Variants in CRTC3 observed in about 807,000 individuals in gnomAD.
CRTC3 encodes CREB regulated transcription coactivator 3, also known as CREB-regulated transcription coactivator 3.
CRTC3 carries 26 observed loss-of-function variants against 74.5 expected under a neutral mutation model. That is an observed-to-expected ratio of 0.35 (90% CI 0.26 to 0.48). The LOEUF is 0.48. CRTC3 is among the 20% of genes least tolerant of loss of function. CRTC3 has a pLI of 0.99. For missense variants in CRTC3, 760 were observed against 787.3 expected, an observed-to-expected ratio of 0.97 and a Z score of 0.41; for synonymous variants, 377 against 325.8, an observed-to-expected ratio of 1.16 and a Z score of -1.69.
intron 2 of CRTC3, among the ~76,000 whole-genome samples, chr15:90,571,989 C>T (rs1689501825): frequency 6.6e-6 from 1 of 151,906 alleles, no homozygotes; most frequent in Admixed American, 6.6e-5. Flanking sequence ...TGGTGAAATC[C>T]CATCTCTACT....
Position 90,638,461 on chromosome 15 carries a change from C to A in CRTC3, c.1282C>A (p.Arg428=). ...YPTSQMVSSD[R]SQLSFLPTEA... ...TGTTTTGCAGATGGTGTCCTCAGAC[C>A]GAAGCCAACTTTCCTTTCTGCCCAC... Residue 428 remains arginine (R), a synonymous_variant, in exon 12 of 15, where the codon CGA becomes AGA. Transcript: ENST00000268184. The A allele has an allele frequency of 2.5e-6, 4 of 1,614,012 alleles. No individual in the cohort carries two copies. The highest frequency in any genetic ancestry group is 2.5e-6 in the Non-Finnish European group (3 of 1,179,980).
chr15:90,602,450 C>A, intron 4 of CRTC3, 65 bp downstream of exon 4: 1 of 902,620 alleles, frequency 1.1e-6, no homozygotes, highest in Admixed American at 2.0e-5. Flanking sequence ...TTCACTTTAT[C>A]CACTTTGAAT....
At chr15:90,591,562 AT>A (rs138627707) in intron 2 of CRTC3, among the ~76,000 whole-genome samples, 1 of 152,336 alleles carries the variant, frequency 6.6e-6, no homozygotes, top group African/African-American at 2.4e-5. Context: ...CAGGCATGTA[AT>A]CCCAACACTT....
chr15:90,570,175 AG>A (rs1844746476), intron 2 of CRTC3, among the ~76,000 whole-genome samples: 1 of 152,184 alleles, frequency 6.6e-6, no homozygotes, highest in African/African-American at 2.4e-5. Context: ...CATTGCCAAA[AG>A]CTTCTGACAC....
At chr15:90,533,141 C>T (rs1220310532) in intron 1 of CRTC3, among the ~76,000 whole-genome samples, 2 of 139,182 alleles carry the variant, frequency 1.4e-5, no homozygotes, top group Non-Finnish European at 3.0e-5. Context: ...CGGTGGGTCA[C>T]GCCTGTAATC....
intron 2 of CRTC3, among the ~76,000 whole-genome samples, chr15:90,571,100 T>C (rs1405066418): frequency 2.0e-5 from 3 of 152,248 alleles, no homozygotes; most frequent in African/African-American, 7.2e-5. Context: ...CAAATATTTA[T>C]TGGACACTGC....
At chr15:90,580,392 CT>C (rs1449519959) in intron 2 of CRTC3, among the ~76,000 whole-genome samples, 2 of 151,744 alleles carry the variant, frequency 1.3e-5, no homozygotes, top group Non-Finnish European at 2.9e-5. Context: ...AATAGGCTTC[CT>C]TAGTGTCAGT....
intron 1 of CRTC3, among the ~76,000 whole-genome samples, chr15:90,533,276 C>T (rs1596064358): frequency 2.0e-5 from 3 of 150,796 alleles, no homozygotes; most frequent in Non-Finnish European, 2.9e-5. Flanking sequence ...TGGTGGCGGG[C>T]GCCTGTAGTC....
At chr15:90,553,817 A>T (rs181943321) in intron 2 of CRTC3, among the ~76,000 whole-genome samples, 13 of 152,354 alleles carry the variant, frequency 8.5e-5, no homozygotes, top group African/African-American at 3.1e-4. Context: ...ATGCCAGTAA[A>T]GTTGGAAGAG....
In CRTC3 at chr15:90,629,538, C is replaced by T; in HGVS notation, c.1266+6C>T. 1 of 1,613,258 alleles carries T rather than the reference C, an allele frequency of 6.2e-7. No homozygotes were observed. The highest frequency in any genetic ancestry group is 8.5e-7 in the Non-Finnish European group (1 of 1,179,258). On this transcript the variant is annotated splice_donor_region_variant and intron_variant, in intron 11 of 14. Coordinates refer to ENST00000268184, the MANE Select transcript of CRTC3 (RefSeq NM_022769.5). ...CCCCATATCCTACCTCCCAGGTAAA[C>T]ACACACAGACAGACCAACCACTACA...
chr15:90,586,895 T>A (rs189243102), intron 2 of CRTC3, among the ~76,000 whole-genome samples: 370 of 152,376 alleles, frequency 2.4e-3, no homozygotes, highest in Non-Finnish European at 4.6e-3. Flanking sequence ...AATGATAATC[T>A]TCCTAGTTGA....
At chr15:90,612,392 C>T (rs779442960) in intron 6 of CRTC3, among the ~76,000 whole-genome samples, 59 of 151,896 alleles carry the variant, frequency 3.9e-4, no homozygotes, top group Admixed American at 8.5e-4. Context: ...CAATGAATGG[C>T]GCCTCAGGTG....
At chr15:90,580,558 G>GT (rs1967515381) in intron 2 of CRTC3, among the ~76,000 whole-genome samples, 1 of 151,864 alleles carries the variant, frequency 6.6e-6, no homozygotes, top group African/African-American at 2.4e-5. Flanking sequence ...TTCCAGAGTA[G>GT]TTGGGATTAC....
intron 5 of CRTC3, among the ~76,000 whole-genome samples, chr15:90,606,513 G>A (rs1483287350): frequency 2.0e-5 from 3 of 151,658 alleles, no homozygotes; most frequent in African/African-American, 7.3e-5. Flanking sequence ...AGTGAGCCGA[G>A]ATCACACCAC....
intron 5 of CRTC3, among the ~76,000 whole-genome samples, chr15:90,605,406 G>A (rs1427563198): frequency 6.6e-6 from 1 of 152,152 alleles, no homozygotes; most frequent in Non-Finnish European, 1.5e-5. Context: ...CCCGTGACTG[G>A]CTAGTATAGT....
intron 10 of CRTC3, among the ~76,000 whole-genome samples, chr15:90,628,736 G>C (rs74347410): frequency 6.6e-6 from 1 of 152,102 alleles, no homozygotes; most frequent in Non-Finnish European, 1.5e-5. Context: ...GTCCCTTCCT[G>C]TGACTCCCTA....
At chr15:90,632,076 A>AT (rs5814442) in intron 11 of CRTC3, among the ~76,000 whole-genome samples, 104,710 of 145,206 alleles carry the variant, frequency 0.72, 37,668 homozygotes, top group South Asian at 0.77. Context: ...TAATTTTTGT[A>AT]TTTTTTTTTT....
Position 90,642,533 on chromosome 15 carries a change from G to C in CRTC3, c.*393G>C. On this transcript the variant is annotated 3_prime_UTR_variant, in exon 15 of 15. Transcript: ENST00000268184. ...CCACTGATCTCCGTCCGCACCGAAG[G>C]CGGGCCCGGAGTGGGAGGCTCGGCC... is the stretch of plus-strand genomic sequence containing the variant. The C allele has an allele frequency of 3.1e-6, 1 of 321,206 alleles. No homozygotes were observed. Among genetic ancestry groups the C allele is most frequent in the Admixed American group, 4.6e-5 (1 of 21,766 alleles). 19.9% of individuals were successfully genotyped at this position (321,206 alleles called of 1,614,324 possible). A position where few individuals can be genotyped will look rare whatever the true frequency, so the allele number is the denominator to read the frequency against.
intron 10 of CRTC3, among the ~76,000 whole-genome samples, chr15:90,626,374 T>G (rs932568173): frequency 6.6e-6 from 1 of 152,226 alleles, no homozygotes; most frequent in African/African-American, 2.4e-5. Flanking sequence ...CATTTTCCAT[T>G]AGATTTCTAA....
Sources: gnomAD v4.1 joint callset for allele counts (sites outside exome capture counted in the v4.1 genomes callset) on GRCh38, gnomAD v4.1.1 for gene constraint, MANE v1.5 for transcripts, NCBI Gene and HGNC (gene_info 2026-07-23, HGNC 2026-07-21) for gene names.